The following SPANXN3 variants were observed in gnomAD, a reference collection of about 807,000 sequenced individuals.
SPANXN3 encodes SPANX family member N3.
In SPANXN3, 1 loss-of-function variant was observed where a neutral mutation model predicts 1.9. The observed-to-expected ratio is 0.54, with a 90% CI of 0.19 to 2.54. SPANXN3 has a LOEUF of 2.54. Among genes scored for constraint, SPANXN3 ranks in the 30% most tolerant of loss-of-function variants. The probability of loss-of-function intolerance (pLI) is 0.24; values close to 1 mark genes in which losing one functional copy is unlikely to be tolerated. For missense variants in SPANXN3, 113 were observed against 96.2 expected (o/e 1.17, Z -0.73); for synonymous variants, 47 against 40.0 (o/e 1.17, Z -0.66).
At chrX:143,516,755 T>G (rs1453620471) in intron 1 of SPANXN3, 1 of 115,563 alleles carries the variant, frequency 8.7e-6, no homozygotes, top group Non-Finnish European at 1.8e-5. Flanking sequence ...CAACACCCAC[T>G]GCTTCAAAAC....
At chrX:143,511,980 A>G (rs1342344066) in intron 1 of SPANXN3, among the ~76,000 whole-genome samples, 1 of 111,362 alleles carries the variant, frequency 9.0e-6, no homozygotes, top group Admixed American at 9.5e-5. Flanking sequence ...GTTTTACCAG[A>G]ATATTCTAGA....
At chrX:143,513,991 T>A (rs142520198) in intron 1 of SPANXN3, among the ~76,000 whole-genome samples, 2,623 of 112,087 alleles carry the variant, frequency 0.023, 32 homozygotes, top group African/African-American at 0.035. Context: ...TACAGTCTCA[T>A]GCCTTCATCT....
intron 1 of SPANXN3, among the ~76,000 whole-genome samples, chrX:143,513,253 T>C (rs1929137153): frequency 8.9e-6 from 1 of 111,828 alleles, no homozygotes; most frequent in African/African-American, 3.3e-5. Flanking sequence ...AAAATGCCCT[T>C]TTAATGGCCC....
chrX:143,509,150 G>C lies in SPANXN3; in HGVS notation c.91C>G (p.Pro31Ala), dbSNP rs782708474. ...TGTTCGGGGGCTAAGACTCTGTTTG[G>C]TACCTCTTGCATCTGGTAAGAAAAT... ...NKKNDEMQEV[P>A]NRVLAPEQSL... is the part of the protein sequence containing the mutation. The change falls in exon 2 of 2, where the codon CCA becomes GCA. Residue 31 changes from proline to alanine, a missense_variant. Physicochemically the swap from Pro to Ala is conservative, Grantham distance 27 (BLOSUM62 -1). Transcript: ENST00000370503. 8.3e-7 allele frequency: 1 copy of C among 1,205,862 alleles called. No homozygotes were observed. The highest frequency in any genetic ancestry group is 3.0e-5 in the East Asian group (1 of 33,798).
chrX:143,514,461 C>T (rs1377585535), intron 1 of SPANXN3, among the ~76,000 whole-genome samples: 9 of 111,730 alleles, frequency 8.1e-5, no homozygotes, highest in Non-Finnish European at 1.1e-4. Flanking sequence ...TCCCTTTGCA[C>T]TCAAACTTCC....
At chrX:143,516,473 C>G (rs1408875514) in intron 1 of SPANXN3, among the ~76,000 whole-genome samples, 2 of 112,359 alleles carry the variant, frequency 1.8e-5, no homozygotes, top group African/African-American at 3.2e-5. Flanking sequence ...TCCACACACA[C>G]TAAGCAGGCT....
intron 1 of SPANXN3, among the ~76,000 whole-genome samples, chrX:143,511,890 G>A (rs73639738): frequency 0.045 from 5,014 of 110,975 alleles, 177 homozygotes; most frequent in African/African-American, 0.11. Context: ...TCACCACCTC[G>A]GAACCCAGGG....
At chrX:143,511,755 C>G (rs782624410) in intron 1 of SPANXN3, among the ~76,000 whole-genome samples, 1 of 110,969 alleles carries the variant, frequency 9.0e-6, no homozygotes, top group African/African-American at 3.3e-5. Context: ...ACTCTGGAAG[C>G]CTTGCCCCAT....
chrX:143,509,696 G>A (rs1385728798), intron 1 of SPANXN3: 3 of 118,071 alleles, frequency 2.5e-5, no homozygotes, highest in African/African-American at 9.8e-5. Context: ...ATATCCTCCT[G>A]GGCAGCAAGC....
intron 1 of SPANXN3, among the ~76,000 whole-genome samples, chrX:143,513,609 G>A (rs1929147696): frequency 9.0e-6 from 1 of 110,884 alleles, no homozygotes; most frequent in Non-Finnish European, 1.9e-5. Context: ...TTCCTAGGTA[G>A]CCCTCTAATC....
At chrX:143,516,180 A>G (rs1435909804) in intron 1 of SPANXN3, among the ~76,000 whole-genome samples, 1 of 112,413 alleles carries the variant, frequency 8.9e-6, no homozygotes, top group East Asian at 2.8e-4. Flanking sequence ...AGGCCGTCAG[A>G]GGGGCTACCC....
At chrX:143,513,706 C>A (rs1323267230) in intron 1 of SPANXN3, among the ~76,000 whole-genome samples, 1 of 111,950 alleles carries the variant, frequency 8.9e-6, no homozygotes, top group Non-Finnish European at 1.9e-5. Context: ...CCTGTCTGGA[C>A]CTCTTAGACT....
chrX:143,513,676 C>T (rs372320781), intron 1 of SPANXN3, among the ~76,000 whole-genome samples: 12 of 111,663 alleles, frequency 1.1e-4, no homozygotes, highest in African/African-American at 3.6e-4. Flanking sequence ...TAAACACTTC[C>T]GATTCTAGGC....
In SPANXN3 at chrX:143,508,766, A is replaced by G; in HGVS notation, c.*49T>C. 1 of 1,026,637 alleles carries G rather than the reference A, an allele frequency of 9.7e-7. No individual in the cohort carries two copies. The highest frequency in any genetic ancestry group is 1.3e-6 in the Non-Finnish European group (1 of 741,473). 84.6% of individuals were successfully genotyped at this position (1,026,637 alleles called of 1,213,427 possible). A position where few individuals can be genotyped will look rare whatever the true frequency, so the allele number is the denominator to read the frequency against. ...CCTTAAACTTGATTTTATTGTAATC[A>G]TCGCCATCAGTGGTGATGATTTGTC... On this transcript the variant is annotated 3_prime_UTR_variant, in exon 2 of 2. Coordinates refer to ENST00000370503, the MANE Select transcript of SPANXN3 (RefSeq NM_001009609.4).
intron 1 of SPANXN3, among the ~76,000 whole-genome samples, chrX:143,515,315 T>C (rs1929191027): frequency 9.0e-6 from 1 of 111,185 alleles, no homozygotes; most frequent in African/African-American, 3.3e-5. Flanking sequence ...ACCCCCATAT[T>C]ATTCTCCTTC....
chrX:143,515,167 C>T lies in SPANXN3; in HGVS notation c.78+2147G>A, dbSNP rs782410549. Among the ~76,000 whole-genome samples, 13 of 110,629 alleles carry T rather than the reference C, an allele frequency of 1.2e-4. No individual in the cohort carries two copies. The East Asian group carries it at 3.2e-3, about 27-fold the overall frequency. On this transcript the variant is annotated intron_variant, in intron 1 of 1. Coordinates refer to ENST00000370503, the MANE Select transcript of SPANXN3 (RefSeq NM_001009609.4). ...TCTGAATCACAGACTCCTCCTCCTC[C>T]CCTTTCCAACCTAAGCGGAAATGTT... is the stretch of plus-strand genomic sequence containing the variant.
chrX:143,513,753 C>G (rs1556412076), intron 1 of SPANXN3, among the ~76,000 whole-genome samples: 1 of 111,990 alleles, frequency 8.9e-6, no homozygotes, highest in Non-Finnish European at 1.9e-5. Flanking sequence ...TCACATGCCC[C>G]TTTGCAGGGA....
chrX:143,509,411 G>A (rs1296845604), intron 1 of SPANXN3, among the ~76,000 whole-genome samples: 1 of 111,239 alleles, frequency 9.0e-6, no homozygotes, highest in Non-Finnish European at 1.9e-5. Context: ...TGGTCAAAGT[G>A]AAACATTCCA....
chrX:143,513,108 G>A lies in SPANXN3; in HGVS notation c.79-3946C>T, dbSNP rs6636987. ...CAAAAAAGTACCTTCTCTCCTTCTC[G>A]GGCCTTGTGGGTTACTTCTGGCTGT... is the stretch of plus-strand genomic sequence containing the variant. On this transcript the variant is annotated intron_variant, in intron 1 of 1. Coordinates refer to ENST00000370503, the MANE Select transcript of SPANXN3 (RefSeq NM_001009609.4). 6.3e-5 allele frequency among the ~76,000 whole-genome samples: 7 copies of A among 110,366 alleles called. No individual in the cohort carries two copies. The South Asian group carries it at 1.9e-3, about 30-fold the overall frequency.
Sources: gnomAD v4.1 joint callset for allele counts (sites outside exome capture counted in the v4.1 genomes callset) on GRCh38, gnomAD v4.1.1 for gene constraint, MANE v1.5 for transcripts, NCBI Gene and HGNC (gene_info 2026-07-23, HGNC 2026-07-21) for gene names.